The following PPARGC1A variants were observed in gnomAD, a reference collection of about 807,000 sequenced individuals.
PPARGC1A encodes the protein PPARG coactivator 1 alpha.
A neutral mutation model predicts 88.7 loss-of-function variants in PPARGC1A; 25 were observed. That is an observed-to-expected ratio of 0.28 (90% CI 0.21 to 0.39). The LOEUF is 0.39. Among genes scored for constraint, PPARGC1A ranks in the 10% least tolerant of loss-of-function variants. The pLI is 1.00. For synonymous variants in PPARGC1A, 363 were observed against 355.6 expected (o/e 1.02, Z -0.24); for missense variants, 880 against 968.7 (o/e 0.91, Z 1.22).
At chr4:24,463,620 G>A in the PPARGC1A span, among the ~76,000 whole-genome samples, 1 of 152,344 alleles carries the variant, frequency 6.6e-6, no homozygotes, top group African/African-American at 2.4e-5. Context: ...CAACACATAT[G>A]CTCTGTCTGT....
At chr4:24,071,317 C>A in the PPARGC1A span, among the ~76,000 whole-genome samples, 1 of 152,114 alleles carries the variant, frequency 6.6e-6, no homozygotes. Flanking sequence ...ACCCCTAAAC[C>A]ACCAATACTC....
At chr4:23,890,261 G>C, upstream of PPARGC1A, 7 of 362,934 alleles carry the variant, frequency 1.9e-5, no homozygotes, top group East Asian at 5.5e-5. Flanking sequence ...AGAAAGAAAG[G>C]AAACACTTAG....
At chr4:24,357,328 A>G in the PPARGC1A span, among the ~76,000 whole-genome samples, 1 of 152,244 alleles carries the variant, frequency 6.6e-6, no homozygotes, top group Non-Finnish European at 1.5e-5. Flanking sequence ...TGGCACAGCT[A>G]GAGCCAAACC....
chr4:24,048,458 A>G, the PPARGC1A span, among the ~76,000 whole-genome samples: 3 of 152,134 alleles, frequency 2.0e-5, no homozygotes, highest in Non-Finnish European at 4.4e-5. Flanking sequence ...TTGATCTTCT[A>G]TGATATATAT....
At chr4:24,033,859 T>G in the PPARGC1A span, among the ~76,000 whole-genome samples, 351 of 152,280 alleles carry the variant, frequency 2.3e-3, 1 homozygote, top group African/African-American at 8.1e-3. Context: ...ATGGAATGTT[T>G]AACTCCAACT....
the PPARGC1A span, among the ~76,000 whole-genome samples, chr4:24,456,547 G>T: frequency 6.6e-6 from 1 of 152,212 alleles, no homozygotes; most frequent in South Asian, 2.1e-4. Flanking sequence ...CCAACAGCAG[G>T]AAATAGCTTG....
chr4:24,375,093 C>T, the PPARGC1A span, among the ~76,000 whole-genome samples: 1 of 150,914 alleles, frequency 6.6e-6, no homozygotes, highest in East Asian at 2.0e-4. Flanking sequence ...GAGAAAATAA[C>T]CAAATATCCA....
At chr4:23,945,710 C>T in the PPARGC1A span, among the ~76,000 whole-genome samples, 3 of 152,172 alleles carry the variant, frequency 2.0e-5, no homozygotes, top group African/African-American at 4.8e-5. Context: ...CAAAGCCTGC[C>T]TTATAGATCT....
the PPARGC1A span, among the ~76,000 whole-genome samples, chr4:23,918,754 A>G: frequency 4.6e-5 from 7 of 152,150 alleles, no homozygotes; most frequent in Non-Finnish European, 7.3e-5. Context: ...GACTATCAGA[A>G]ATTGTTTAAA....
chr4:23,815,222 G>A (rs1022303455), intron 7 of PPARGC1A, among the ~76,000 whole-genome samples: 1 of 151,944 alleles, frequency 6.6e-6, no homozygotes, highest in Non-Finnish European at 1.5e-5. Context: ...TACGACAGCC[G>A]AATGCAGGGA....
intron 8 of PPARGC1A, among the ~76,000 whole-genome samples, 165 bp from the exon 9 acceptor site, chr4:23,813,290 T>C (rs1264095017): frequency 6.6e-6 from 1 of 152,196 alleles, no homozygotes; most frequent in Non-Finnish European, 1.5e-5. Flanking sequence ...TCTAGTCAAC[T>C]TAGAGGGCTG....
At chr4:24,147,102 T>C in the PPARGC1A span, among the ~76,000 whole-genome samples, 6 of 152,118 alleles carry the variant, frequency 3.9e-5, no homozygotes, top group Non-Finnish European at 7.4e-5. Context: ...GTTTTAGGAG[T>C]GACAGTCTTG....
chr4:24,447,521 C>A, the PPARGC1A span, among the ~76,000 whole-genome samples: 2 of 152,350 alleles, frequency 1.3e-5, no homozygotes, highest in African/African-American at 4.8e-5. Context: ...GCAGTCTCGA[C>A]CTTGCCTCTG....
At chr4:23,990,236 A>C in the PPARGC1A span, among the ~76,000 whole-genome samples, 7 of 150,300 alleles carry the variant, frequency 4.7e-5, no homozygotes, top group Non-Finnish European at 8.9e-5. Context: ...GGATAATAAT[A>C]ACAATAATAA....
the PPARGC1A span, among the ~76,000 whole-genome samples, chr4:24,237,676 T>C: frequency 6.6e-6 from 1 of 152,238 alleles, no homozygotes; most frequent in East Asian, 1.9e-4. Flanking sequence ...TTCATGTTAC[T>C]ATTTTCTCTC....
the PPARGC1A span, among the ~76,000 whole-genome samples, chr4:23,981,231 G>T: frequency 2.0e-4 from 31 of 152,090 alleles, no homozygotes; most frequent in Admixed American, 7.9e-4. Flanking sequence ...GACTTACCCA[G>T]CTTCCTACTG....
At chr4:24,456,567 G>C in the PPARGC1A span, among the ~76,000 whole-genome samples, 2 of 152,104 alleles carry the variant, frequency 1.3e-5, no homozygotes, top group African/African-American at 4.8e-5. Flanking sequence ...GCATGCAGAA[G>C]CAAACAGAAC....
intron 2 of PPARGC1A, among the ~76,000 whole-genome samples, chr4:23,868,009 A>G (rs997862367): frequency 5.9e-5 from 9 of 152,194 alleles, no homozygotes; most frequent in African/African-American, 2.2e-4. Context: ...GTGGCCATGC[A>G]TTTGCATGAG....
At chr4:24,398,566 A>G in the PPARGC1A span, among the ~76,000 whole-genome samples, 1 of 152,200 alleles carries the variant, frequency 6.6e-6, no homozygotes, top group Non-Finnish European at 1.5e-5. Context: ...AAATTTATTT[A>G]CCATGTCCTC....
Sources: allele counts gnomAD v4.1 joint callset (sites outside exome capture counted in the v4.1 genomes callset), GRCh38; gene constraint gnomAD v4.1.1; transcripts MANE v1.5; gene names NCBI Gene and HGNC (gene_info 2026-07-23, HGNC 2026-07-21).